TXNRD2: variants seen among roughly 807,000 people sequenced by gnomAD.
TXNRD2 encodes thioredoxin reductase 2.
A neutral mutation model predicts 70.8 loss-of-function variants in TXNRD2; 67 were observed. That is an observed-to-expected ratio of 0.95 (90% CI 0.78 to 1.16). TXNRD2 has a LOEUF of 1.16. Among genes scored for constraint, TXNRD2 ranks in the 50% most tolerant of loss-of-function variants. The pLI is 0.00. For synonymous variants in TXNRD2, 301 were observed against 295.8 expected (o/e 1.02, Z -0.18); for missense variants, 644 against 719.9 (o/e 0.89, Z 1.21).
chr22:19,911,309 G>C, intron 8 of TXNRD2, 68 bp downstream of exon 8: 2 of 1,279,562 alleles, frequency 1.6e-6, no homozygotes, highest in South Asian at 2.4e-5. Flanking sequence ...ACCAGCACAG[G>C]CTCTAAGGGT....
intron 3 of TXNRD2, 36 bp from the exon 4 acceptor site, chr22:19,919,040 C>T (rs1359077803): frequency 2.5e-6 from 4 of 1,596,816 alleles, no homozygotes; most frequent in Non-Finnish European, 3.4e-6. Context: ...AATTTATGTT[C>T]AGGTGACTGC....
chr22:19,883,860 C>T (rs1365011695), intron 11 of TXNRD2: 8 of 224,674 alleles, frequency 3.6e-5, no homozygotes, highest in Non-Finnish European at 2.7e-5. Context: ...GGTTGAATCG[C>T]TTGAACCCAG....
intron 3 of TXNRD2, 109 bp downstream of exon 3, chr22:19,919,434 T>G (rs926589622): frequency 1.0e-6 from 1 of 988,882 alleles, no homozygotes; most frequent in Admixed American, 2.0e-5. Flanking sequence ...CCAGAAACCA[T>G]GGACAGCAGG....
chr22:19,925,452 C>T (rs999304796), intron 2 of TXNRD2, among the ~76,000 whole-genome samples: 6 of 151,852 alleles, frequency 4.0e-5, no homozygotes, highest in African/African-American at 1.5e-4. Context: ...TGTGGATCCT[C>T]ACAAAGGAAT....
intron 2 of TXNRD2, among the ~76,000 whole-genome samples, chr22:19,928,983 G>A (rs1215449504): frequency 7.4e-6 from 1 of 135,390 alleles, no homozygotes; most frequent in Non-Finnish European, 1.6e-5. Flanking sequence ...TCCAGCCTGG[G>A]TGACAAAGCA....
At chr22:19,902,104 G>T (rs1166580447) in intron 8 of TXNRD2, among the ~76,000 whole-genome samples, 1 of 152,202 alleles carries the variant, frequency 6.6e-6, no homozygotes, top group Non-Finnish European at 1.5e-5. Context: ...GGCTGAGGAA[G>T]GAGGATCACT....
intron 11 of TXNRD2, among the ~76,000 whole-genome samples, chr22:19,885,135 G>C (rs1195210563): frequency 1.3e-5 from 2 of 152,202 alleles, no homozygotes; most frequent in Non-Finnish European, 2.9e-5. Flanking sequence ...ACAGCCAGCA[G>C]AGGTCCCTTT....
intron 8 of TXNRD2, among the ~76,000 whole-genome samples, chr22:19,907,924 C>T (rs1354125962): frequency 3.4e-5 from 2 of 59,482 alleles, no homozygotes; most frequent in African/African-American, 7.3e-5. Context: ...AGAGTGTGGG[C>T]ACACCATGGG....
intron 1 of TXNRD2, among the ~76,000 whole-genome samples, chr22:19,936,513 G>A (rs747191653): frequency 5.9e-5 from 9 of 152,002 alleles, no homozygotes; most frequent in Admixed American, 2.6e-4. Context: ...CTTTGCCTCC[G>A]GAGCCATCCA....
At chr22:19,901,293 C>T (rs1013945553) in intron 8 of TXNRD2, among the ~76,000 whole-genome samples, 2 of 152,208 alleles carry the variant, frequency 1.3e-5, no homozygotes, top group African/African-American at 4.8e-5. Flanking sequence ...GGAGAAGCTC[C>T]CGCCTCAAGG....
chr22:19,898,230 T>C (rs1419884249), intron 9 of TXNRD2, 100 bp from the exon 10 acceptor site: 2 of 1,114,826 alleles, frequency 1.8e-6, no homozygotes, highest in Admixed American at 2.0e-5. Flanking sequence ...CACCCATCCA[T>C]GGCTGGCCCT....
Position 19,918,204 on chromosome 22 carries a change from C to T in TXNRD2, c.388G>A (p.Glu130Lys). 1 of 1,614,248 alleles carries T rather than the reference C, an allele frequency of 6.2e-7. No individual in the cohort carries two copies. The highest frequency in any genetic ancestry group is 8.5e-7 in the Non-Finnish European group (1 of 1,180,034). The part of the protein sequence containing the change: ...PVPHDWRKMA[E>K]AVQNHVKSLN... The stretch of plus-strand genomic sequence containing the variant: ...GATTTCACGTGATTTTGAACAGCTT[C>T]TGCCATCTTCCTCCTGTGAAGATAC... The change falls in exon 5 of 18, where the codon GAA (glutamate) becomes AAA (lysine). Residue 130 changes from glutamate (E) to lysine (K), a missense_variant. Glu to Lys is a moderately conservative substitution (Grantham distance 56). Transcript: ENST00000400521.
At position 19,898,082 on chromosome 22, in the gene TXNRD2, G is replaced by A. The variant is rs1939596001; in HGVS notation, c.731C>T (p.Thr244Ile). Residue 244 changes from threonine (T) to isoleucine (I), a missense_variant, in exon 10 of 18, where the codon ACC becomes ATC. Physicochemically the swap from Thr to Ile is moderately conservative, Grantham distance 89. Transcript: ENST00000400521. ...GGGGATGCTGCGCATCATGATGGTG[G>A]TGTCCAGCCCAATCCCGGTGAGGAA... ...AGFLTGIGLD[T>I]TIMMRSIPLR... The A allele has an allele frequency of 6.4e-7, 1 of 1,567,018 alleles. No homozygotes were observed.
chr22:19,918,984 C>T lies in TXNRD2; in HGVS notation c.250G>A (p.Gly84Ser), dbSNP rs780972706. 6 of 1,611,196 alleles carry T rather than the reference C, an allele frequency of 3.7e-6. No individual in the cohort carries two copies. Among genetic ancestry groups the T allele is most frequent in the South Asian group, 2.2e-5 (2 of 91,036 alleles). The change falls in exon 4 of 18, where the codon GGC becomes AGC. Residue 84 changes from glycine (G) to serine (S), a missense_variant. Gly to Ser is a moderately conservative substitution (Grantham distance 56). This residue lies in a region of TXNRD2 where 566 missense variants were observed against 645.0 expected (regional missense o/e 0.88). Transcript: ENST00000400521. ...ATGCAGCCCACGTTGACGCAGGTGCCGCCGAGGCCCCACCGGGTGCCTGGG... is the reference window on the plus strand; with the variant it reads ...ATGCAGCCCACGTTGACGCAGGTGCTGCCGAGGCCCCACCGGGTGCCTGGG... ...SPQGTRWGLGGTCVNVGCIPK... is the reference protein window; with the variant it reads ...SPQGTRWGLGSTCVNVGCIPK...
At chr22:19,900,221 C>G (rs1053727910) in intron 8 of TXNRD2, among the ~76,000 whole-genome samples, 2 of 152,068 alleles carry the variant, frequency 1.3e-5, no homozygotes, top group Non-Finnish European at 2.9e-5. Context: ...GTGAGGACAG[C>G]GAAGGGGGAC....
chr22:19,936,032 T>A (rs916794680), intron 1 of TXNRD2, among the ~76,000 whole-genome samples: 2 of 152,210 alleles, frequency 1.3e-5, no homozygotes, highest in African/African-American at 4.8e-5. Flanking sequence ...GTCACCCTAT[T>A]CAGGGCAGTG....
intron 10 of TXNRD2, 43 bp from the exon 11 acceptor site, chr22:19,895,624 TG>T: frequency 6.2e-7 from 1 of 1,601,000 alleles, no homozygotes. Flanking sequence ...CAGGTGGCCG[TG>T]GGAGAGAGGC....
chr22:19,938,568 G>T (rs1368155150), intron 1 of TXNRD2, among the ~76,000 whole-genome samples: 1 of 152,150 alleles, frequency 6.6e-6, no homozygotes, highest in Non-Finnish European at 1.5e-5. Flanking sequence ...AAACTAGAAG[G>T]TGTTAGAAAA....
chr22:19,888,740 GTGGCCCCC>G (rs1939136528), intron 11 of TXNRD2, among the ~76,000 whole-genome samples: 1 of 152,212 alleles, frequency 6.6e-6, no homozygotes, highest in South Asian at 2.1e-4. Context: ...CATGAGGCAT[GTGGCCCCC>G]AGAGCCAGCC....
Sources: gnomAD v4.1 joint callset for allele counts (sites outside exome capture counted in the v4.1 genomes callset) on GRCh38, gnomAD v4.1.1 for gene constraint, gnomAD v4.1.1 regional missense constraint, MANE v1.5 for transcripts, NCBI Gene and HGNC (gene_info 2026-07-23, HGNC 2026-07-21) for gene names.